The following ADGRL2 variants were observed in gnomAD, a reference collection of about 807,000 sequenced individuals.
ADGRL2 encodes the protein adhesion G protein-coupled receptor L2, also known as calcium-independent alpha-latrotoxin receptor 2.
ADGRL2 carries 44 observed loss-of-function variants against 157.4 expected under a neutral mutation model. The observed-to-expected ratio is 0.28, with a 90% confidence interval of 0.22 to 0.36. The LOEUF is 0.36. Ranked by LOEUF, ADGRL2 falls within the 10% of genes least tolerant of loss-of-function variation. The pLI is 1.00. For missense variants in ADGRL2, 1,510 were observed against 1,768.9 expected, an observed-to-expected ratio of 0.85 and a Z score of 2.63; for synonymous variants, 585 against 624.7, an observed-to-expected ratio of 0.94 and a Z score of 0.95.
intron 1 of ADGRL2, among the ~76,000 whole-genome samples, chr1:81,393,379 A>G (rs1570827418): frequency 6.6e-6 from 1 of 151,476 alleles, no homozygotes; most frequent in Middle Eastern, 3.4e-3. Flanking sequence ...AAAGCATTGT[A>G]CATATGTAGA....
At chr1:81,966,216 TTTG>T (rs775341742) in intron 12 of ADGRL2, 33 bp downstream of exon 12, 2 of 1,613,124 alleles carry the variant, frequency 1.2e-6, no homozygotes, top group Non-Finnish European at 1.7e-6. Flanking sequence ...ATTGACAGTT[TTTG>T]TTGTTGTTCA....
At chr1:81,801,208 ATCT>A (rs1450189553) in intron 1 of ADGRL2, among the ~76,000 whole-genome samples, 140 bp downstream of exon 1, 1 of 152,156 alleles carries the variant, frequency 6.6e-6, no homozygotes, top group Non-Finnish European at 1.5e-5. Flanking sequence ...GCTGCCTGTA[ATCT>A]TCTTTTGAGT....
intron 3 of ADGRL2, among the ~76,000 whole-genome samples, chr1:81,610,787 G>T (rs924398758): frequency 6.6e-6 from 1 of 152,106 alleles, no homozygotes; most frequent in African/African-American, 2.4e-5. Flanking sequence ...AGAGCCAATA[G>T]AACTTAGAGA....
intron 3 of ADGRL2, among the ~76,000 whole-genome samples, chr1:81,680,562 G>A (rs915958836): frequency 6.6e-6 from 1 of 151,952 alleles, no homozygotes; most frequent in Non-Finnish European, 1.5e-5. Context: ...ATTAATAATC[G>A]TGAATTAGGC....
chr1:81,308,341 T>A (rs973302110), intron 1 of ADGRL2, among the ~76,000 whole-genome samples: 1 of 152,226 alleles, frequency 6.6e-6, no homozygotes, highest in African/African-American at 2.4e-5. Flanking sequence ...AAGAAAAGGA[T>A]TTGTCACTAA....
At chr1:81,356,425 A>G (rs1663292943) in intron 1 of ADGRL2, among the ~76,000 whole-genome samples, 1 of 152,226 alleles carries the variant, frequency 6.6e-6, no homozygotes, top group Admixed American at 6.5e-5. Flanking sequence ...CCTTGGCCAC[A>G]TTACTAAGTC....
chr1:81,672,678 A>G (rs1212933180), intron 3 of ADGRL2, among the ~76,000 whole-genome samples: 3 of 152,232 alleles, frequency 2.0e-5, no homozygotes, highest in African/African-American at 4.8e-5. Context: ...GGAAATGACA[A>G]TTAAAAAATG....
intron 2 of ADGRL2, among the ~76,000 whole-genome samples, chr1:81,891,719 G>T (rs1461882035): frequency 2.0e-5 from 3 of 151,324 alleles, no homozygotes; most frequent in African/African-American, 7.3e-5. Flanking sequence ...ATCTTTTTTT[G>T]CTCCACTACA....
rs1364773945 is a variant in ADGRL2, at chr1:81,984,602, A to G, written c.3302A>G (p.Lys1101Arg). 6 of 1,609,904 alleles carry G rather than the reference A, an allele frequency of 3.7e-6. No individual in the cohort carries two copies. The highest frequency in any genetic ancestry group is 5.1e-6 in the Non-Finnish European group (6 of 1,177,100). The change falls in exon 20 of 24, where the codon AAG (lysine) becomes AGG (arginine). Residue 1101 changes from lysine to arginine, a missense_variant. Around this residue, in one of 4 missense-constraint regions of ADGRL2, gnomAD observed 497 missense variants for 627.2 expected, o/e 0.79. Coordinates refer to ENST00000686636, the MANE Select transcript of ADGRL2 (RefSeq NM_001366006.2). The part of the protein sequence containing the change: ...LQKKVRKEYG[K>R]CFRHSYCCGG... ...ATGCAGGTACGAAAAGAATATGGCA[A>G]GTGCTTCAGACACTCATACTGCTGT...
chr1:81,378,180 A>C (rs200274311), intron 1 of ADGRL2, among the ~76,000 whole-genome samples: 2 of 28,962 alleles, frequency 6.9e-5, no homozygotes, highest in African/African-American at 1.9e-4. Flanking sequence ...TCTGTCTCAA[A>C]AAAAAAAAAA....
intron 3 of ADGRL2, among the ~76,000 whole-genome samples, chr1:81,936,485 T>G (rs1296953239): frequency 6.6e-6 from 1 of 151,928 alleles, no homozygotes; most frequent in Non-Finnish European, 1.5e-5. Context: ...TAGGAAACTG[T>G]TGGCCATTAT....
intron 1 of ADGRL2, among the ~76,000 whole-genome samples, chr1:81,375,203 C>G (rs1226475740): frequency 6.6e-6 from 1 of 152,316 alleles, no homozygotes; most frequent in East Asian, 1.9e-4. Context: ...GCAATGGCAG[C>G]AACATAGACC....
intron 1 of ADGRL2, among the ~76,000 whole-genome samples, chr1:81,417,390 C>A (rs1248472099): frequency 3.9e-5 from 6 of 152,012 alleles, no homozygotes; most frequent in Non-Finnish European, 8.8e-5. Context: ...GGTGCTTTTT[C>A]TTTAATACTT....
At chr1:81,962,534 T>C (rs898133668) in intron 11 of ADGRL2, among the ~76,000 whole-genome samples, 2 of 152,206 alleles carry the variant, frequency 1.3e-5, no homozygotes, top group African/African-American at 4.8e-5. Flanking sequence ...TCTTGGTATC[T>C]TGTTTAAGAA....
intron 1 of ADGRL2, among the ~76,000 whole-genome samples, chr1:81,741,621 C>T (rs1020745161): frequency 6.6e-6 from 1 of 151,928 alleles, no homozygotes; most frequent in African/African-American, 2.4e-5. Context: ...GACAGAATTC[C>T]CTTTGGAAGA....
At chr1:81,584,697 T>C (rs981731142) in intron 3 of ADGRL2, among the ~76,000 whole-genome samples, 2 of 152,162 alleles carry the variant, frequency 1.3e-5, no homozygotes, top group Non-Finnish European at 2.9e-5. Context: ...TCATATAAAC[T>C]TCAACATAGC....
chr1:81,606,077 T>A (rs924915028), intron 3 of ADGRL2, among the ~76,000 whole-genome samples: 1 of 152,186 alleles, frequency 6.6e-6, no homozygotes, highest in African/African-American at 2.4e-5. Context: ...AATTTAAGCA[T>A]CAAGATTTAT....
chr1:81,306,877 AT>A (rs56040898), intron 1 of ADGRL2, among the ~76,000 whole-genome samples: 5 of 151,278 alleles, frequency 3.3e-5, no homozygotes, highest in South Asian at 2.1e-4. Flanking sequence ...ACCGTAACAA[AT>A]TTTTTTTTTA....
At chr1:81,507,784 A>G (rs565947143) in intron 2 of ADGRL2, among the ~76,000 whole-genome samples, 34 of 152,350 alleles carry the variant, frequency 2.2e-4, no homozygotes, top group African/African-American at 7.9e-4. Context: ...GAAAAGGTAG[A>G]AAGTTTATGC....
Sources: gnomAD v4.1 joint callset for allele counts (sites outside exome capture counted in the v4.1 genomes callset) on GRCh38, gnomAD v4.1.1 for gene constraint, gnomAD v4.1.1 regional missense constraint, MANE v1.5 for transcripts, NCBI Gene and HGNC (gene_info 2026-07-23, HGNC 2026-07-21) for gene names.